The following FHOD3 variants were observed in gnomAD, a reference collection of about 807,000 sequenced individuals.
The protein encoded by FHOD3 is FH1/FH2 domain-containing protein 3.
FHOD3 carries 90 observed loss-of-function variants against 173.0 expected under a neutral mutation model. The observed-to-expected ratio is 0.52, with a 90% CI of 0.44 to 0.62. The LOEUF (loss-of-function observed/expected upper bound fraction) is 0.62. Among genes scored for constraint, FHOD3 ranks in the 20% least tolerant of loss-of-function variants. FHOD3 has a pLI of 0.00. For missense variants in FHOD3, 1,945 were observed against 2,034.7 expected (o/e 0.96, Z 0.85); for synonymous variants, 828 against 823.0 (o/e 1.01, Z -0.10).
At chr18:36,746,554 G>A (rs538460247) in intron 23 of FHOD3, among the ~76,000 whole-genome samples, 2 of 152,246 alleles carry the variant, frequency 1.3e-5, no homozygotes, top group African/African-American at 4.8e-5. Context: ...TAGGACTAGG[G>A]TGCATTTCTC....
chr18:36,759,091 C>T, intron 25 of FHOD3, 27 bp from the exon 26 acceptor site: 1 of 1,533,474 alleles, frequency 6.5e-7, no homozygotes, highest in Non-Finnish European at 8.7e-7. Context: ...TCTTTTCCGT[C>T]CTGTCCTGTC....
chr18:36,317,331 C>T (rs1436456890), intron 1 of FHOD3, among the ~76,000 whole-genome samples: 1 of 152,224 alleles, frequency 6.6e-6, no homozygotes, highest in East Asian at 1.9e-4. Context: ...CTAATTTACA[C>T]TCCCACCAAC....
intron 21 of FHOD3, 62 bp downstream of exon 21, chr18:36,740,900 T>G (rs2041870911): frequency 6.7e-7 from 1 of 1,503,222 alleles, no homozygotes; most frequent in African/African-American, 1.4e-5. Context: ...AGGCAGTTTT[T>G]CATTGATCAG....
chr18:36,484,747 C>T (rs2054106449), intron 3 of FHOD3, among the ~76,000 whole-genome samples: 1 of 152,072 alleles, frequency 6.6e-6, no homozygotes, highest in African/African-American at 2.4e-5. Flanking sequence ...AGCTCCAGCC[C>T]CCCAGGGGGT....
chr18:36,693,376 C>T lies in FHOD3; in HGVS notation c.2189C>T (p.Ala730Val), dbSNP rs1274446108. The change falls in exon 17 of 29, where the codon GCT becomes GTT. Residue 730 changes from alanine (A) to valine (V), a missense_variant. Ala to Val is a moderately conservative substitution (Grantham distance 64). Coordinates refer to ENST00000590592, the MANE Select transcript of FHOD3 (RefSeq NM_001281740.3). ...HSPSSSDSQE[A>V]LTVSASSPGT... is the part of the protein sequence containing the mutation. The stretch of plus-strand genomic sequence containing the variant: ...CCCTCATCTTCAGACTCTCAAGAGG[C>T]TCTCACGGTGTCTGCCTCCTCCCCA... The T allele has an allele frequency of 6.8e-6, 11 of 1,613,782 alleles. No individual in the cohort carries two copies. The highest frequency in any genetic ancestry group is 1.3e-5 in the African/African-American group (1 of 74,902).
intron 26 of FHOD3, among the ~76,000 whole-genome samples, chr18:36,759,601 C>T (rs997840295): frequency 1.3e-5 from 2 of 152,232 alleles, no homozygotes; most frequent in African/African-American, 4.8e-5. Flanking sequence ...TGACCATTTC[C>T]TCTGCTGGTG....
At chr18:36,580,354 T>G (rs1052905433) in intron 6 of FHOD3, among the ~76,000 whole-genome samples, 2 of 152,198 alleles carry the variant, frequency 1.3e-5, no homozygotes, top group African/African-American at 4.8e-5. Flanking sequence ...AGGTCTAGAA[T>G]AGTCTCTGGC....
chr18:36,715,763 A>T (rs2040415258), intron 18 of FHOD3, among the ~76,000 whole-genome samples: 1 of 152,242 alleles, frequency 6.6e-6, no homozygotes. Context: ...GGAAAGGATG[A>T]TCAACAGTGT....
At chr18:36,640,943 T>G (rs1047943417) in intron 10 of FHOD3, among the ~76,000 whole-genome samples, 1 of 152,200 alleles carries the variant, frequency 6.6e-6, no homozygotes, top group African/African-American at 2.4e-5. Flanking sequence ...GCCTGGATGT[T>G]AGGAGATCAG....
intron 17 of FHOD3, among the ~76,000 whole-genome samples, chr18:36,694,978 T>G (rs1016746378): frequency 8.7e-5 from 13 of 148,844 alleles, no homozygotes; most frequent in South Asian, 6.4e-4. Context: ...TATACGTGGG[T>G]GTGTGTGTGT....
intron 3 of FHOD3, among the ~76,000 whole-genome samples, chr18:36,471,184 C>T (rs1568315742): frequency 6.6e-6 from 1 of 152,162 alleles, no homozygotes; most frequent in South Asian, 2.1e-4. Flanking sequence ...CTGCCCAGCC[C>T]ACAAAGCAGA....
intron 3 of FHOD3, among the ~76,000 whole-genome samples, chr18:36,484,623 T>C (rs1401908651): frequency 6.6e-6 from 1 of 152,154 alleles, no homozygotes; most frequent in Non-Finnish European, 1.5e-5. Flanking sequence ...TTTGGGTGCT[T>C]GGTTTAGTCC....
chr18:36,455,119 A>C lies in FHOD3; in HGVS notation c.338-46813A>C, dbSNP rs890574921. On this transcript the variant is annotated intron_variant, in intron 3 of 28. Transcript: ENST00000590592. Reference sequence around the variant, plus strand: ...GCCAGAGGTGTCAGCAACGTTTCTGAAATTGGAGTGCATGTGTCCAATCTG... The same window carrying C: ...GCCAGAGGTGTCAGCAACGTTTCTGCAATTGGAGTGCATGTGTCCAATCTG... Among the ~76,000 whole-genome samples the C allele has an allele frequency of 4.6e-5, 7 of 152,340 alleles. No homozygotes were observed. In the East Asian group the frequency reaches 1.4e-3, roughly 29 times the overall value.
At chr18:36,496,965 A>G (rs556598657) in intron 3 of FHOD3, among the ~76,000 whole-genome samples, 2 of 152,240 alleles carry the variant, frequency 1.3e-5, no homozygotes, top group African/African-American at 4.8e-5. Context: ...AATTTCAGCC[A>G]AAATAGGTAA....
At chr18:36,386,719 C>T (rs2048050730) in intron 3 of FHOD3, among the ~76,000 whole-genome samples, 2 of 152,320 alleles carry the variant, frequency 1.3e-5, no homozygotes, top group South Asian at 2.1e-4. Flanking sequence ...GCTGCAAGTT[C>T]TAGGTGTGGC....
intron 3 of FHOD3, among the ~76,000 whole-genome samples, chr18:36,479,517 A>G (rs564909916): frequency 1.3e-5 from 2 of 152,250 alleles, no homozygotes; most frequent in East Asian, 3.9e-4. Context: ...CCACATTGTA[A>G]TTGCCTTGCA....
At chr18:36,456,991 C>G (rs2052257698) in intron 3 of FHOD3, among the ~76,000 whole-genome samples, 1 of 151,992 alleles carries the variant, frequency 6.6e-6, no homozygotes, top group African/African-American at 2.4e-5. Flanking sequence ...TTTTGTGGGA[C>G]CATGAAGATG....
intron 1 of FHOD3, among the ~76,000 whole-genome samples, chr18:36,327,134 G>T (rs1262079709): frequency 6.6e-6 from 1 of 152,216 alleles, no homozygotes; most frequent in South Asian, 2.1e-4. Context: ...AGGCAGCTCA[G>T]ATGTTTCACC....
chr18:36,691,903 T>C (rs1426458550), intron 16 of FHOD3, among the ~76,000 whole-genome samples: 1 of 152,248 alleles, frequency 6.6e-6, no homozygotes, highest in Non-Finnish European at 1.5e-5. Context: ...TTATTTGCTT[T>C]TTGAAAACAG....
Sources: gnomAD v4.1 joint callset for allele counts (sites outside exome capture counted in the v4.1 genomes callset) on GRCh38, gnomAD v4.1.1 for gene constraint, MANE v1.5 for transcripts, NCBI Gene and HGNC (gene_info 2026-07-23, HGNC 2026-07-21) for gene names.